CDKL5: variants seen among roughly 807,000 people sequenced by gnomAD.
CDKL5 encodes the protein cyclin dependent kinase like 5.
In CDKL5, 8 loss-of-function variants were observed where a neutral mutation model predicts 61.7. That is an observed-to-expected ratio of 0.13 (90% CI 0.08 to 0.23). The LOEUF (loss-of-function observed/expected upper bound fraction) is 0.23. Ranked by LOEUF, CDKL5 falls within the 10% of genes least tolerant of loss-of-function variation. CDKL5 has a pLI of 1.00. For missense variants in CDKL5, 440 were observed against 734.5 expected, an observed-to-expected ratio of 0.60 and a Z score of 4.63; for synonymous variants, 275 against 272.3, an observed-to-expected ratio of 1.01 and a Z score of -0.10.
At position 18,433,222 on chromosome X, in the gene CDKL5, C is replaced by T. The variant is rs867872892; in HGVS notation, c.-163+7527C>T. ...CAGCCTGGGCAACAGGAGTGAAACC[C>T]TGTCTCAAAAAAAAAAAAGAAAAGA... is the stretch of plus-strand genomic sequence containing the variant. On this transcript the variant is annotated intron_variant, in intron 1 of 17. Transcript: ENST00000623535. Among the ~76,000 whole-genome samples the T allele has an allele frequency of 1.1e-4, 11 of 99,046 alleles. No homozygotes were observed. The East Asian group carries it at 2.9e-3, about 26-fold the overall frequency. The allele number at this position is 99,046 out of a possible 115,157, so 86.0% of individuals were successfully genotyped here. A position where few individuals can be genotyped will look rare whatever the true frequency, so the allele number is the denominator to read the frequency against.
At chrX:18,613,454 A>G (rs1926625787) in intron 15 of CDKL5, among the ~76,000 whole-genome samples, 179 bp downstream of exon 15, 1 of 111,741 alleles carries the variant, frequency 8.9e-6, no homozygotes, top group Non-Finnish European at 1.9e-5. Context: ...CCAGTTTGGC[A>G]TTTAGATTAA....
chrX:18,508,612 T>C (rs1288515821), intron 2 of CDKL5, among the ~76,000 whole-genome samples: 2 of 110,711 alleles, frequency 1.8e-5, no homozygotes, highest in Non-Finnish European at 3.8e-5. Context: ...TTCTGGATCA[T>C]AACTAGTTTT....
chrX:18,550,316 C>T (rs1406477065), intron 3 of CDKL5, among the ~76,000 whole-genome samples: 2 of 111,274 alleles, frequency 1.8e-5, no homozygotes, highest in East Asian at 2.8e-4. Flanking sequence ...TACCTTACTA[C>T]GGTGAAGTTC....
intron 1 of CDKL5, among the ~76,000 whole-genome samples, chrX:18,487,916 G>C (rs186150390): frequency 1.1e-3 from 124 of 110,980 alleles, no homozygotes; most frequent in African/African-American, 4.0e-3. Flanking sequence ...ACTCCGTCTC[G>C]GGGGAAGAAA....
At chrX:18,479,197 C>T (rs1048531219) in intron 1 of CDKL5, among the ~76,000 whole-genome samples, 3 of 110,700 alleles carry the variant, frequency 2.7e-5, no homozygotes, top group Admixed American at 9.7e-5. Context: ...AGCATTTTGA[C>T]TATGATGTTT....
At chrX:18,476,101 A>C (rs1331601573) in intron 1 of CDKL5, among the ~76,000 whole-genome samples, 1 of 111,731 alleles carries the variant, frequency 9.0e-6, no homozygotes, top group African/African-American at 3.3e-5. Context: ...TGCTCATCCA[A>C]ATTTTCTCAT....
rs752870628 is a variant in CDKL5, at chrX:18,647,183, C to G, written c.2797+1093C>G. 10 of 1,208,406 alleles carry G rather than the reference C, an allele frequency of 8.3e-6. No individual in the cohort carries two copies. Among genetic ancestry groups the G allele is most frequent in the Non-Finnish European group, 1.1e-5 (10 of 894,949 alleles). ...GCACATGAAAAAAAATCCCCGGGCC[C>G]TGCTTACCCAAAGCCTTGACTGTTG... is the stretch of plus-strand genomic sequence containing the variant. On this transcript the variant is annotated intron_variant, in intron 20 of 21. Coordinates refer to the CDKL5 transcript ENST00000379989.
intron 6 of CDKL5, 71 bp downstream of exon 6, chrX:18,580,039 TG>T: frequency 1.1e-6 from 1 of 906,498 alleles, no homozygotes; most frequent in Middle Eastern, 2.8e-4. Flanking sequence ...CACATGTTAC[TG>T]TCTTTAAGAA....
At chrX:18,438,226 C>T (rs1463797608) in intron 1 of CDKL5, among the ~76,000 whole-genome samples, 3 of 109,729 alleles carry the variant, frequency 2.7e-5, no homozygotes, top group African/African-American at 6.6e-5. Flanking sequence ...CCCCCACGCC[C>T]GGCTAAGTTT....
chrX:18,614,462 C>G (rs1926657469), intron 15 of CDKL5, among the ~76,000 whole-genome samples: 1 of 111,911 alleles, frequency 8.9e-6, no homozygotes, highest in African/African-American at 3.2e-5. Flanking sequence ...CTATTTGTCT[C>G]TTGGTTTCCT....
chrX:18,514,067 T>A (rs1249792424), intron 3 of CDKL5, among the ~76,000 whole-genome samples: 1 of 111,418 alleles, frequency 9.0e-6, no homozygotes, highest in Non-Finnish European at 1.9e-5. Flanking sequence ...GCATGTTGTA[T>A]ATTTGAACAA....
intron 11 of CDKL5, among the ~76,000 whole-genome samples, chrX:18,601,255 G>A (rs1033296332): frequency 8.9e-6 from 1 of 111,843 alleles, no homozygotes; most frequent in African/African-American, 3.3e-5. Context: ...CCATGGACAC[G>A]GTGCAATGGT....
intron 21 of CDKL5, among the ~76,000 whole-genome samples, chrX:18,652,487 G>A (rs758472165): frequency 8.1e-5 from 9 of 111,613 alleles, no homozygotes; most frequent in South Asian, 3.8e-4. Context: ...TGGCCAACAC[G>A]GTGAAACCCC....
At chrX:18,653,608 A>G (rs945753341) in exon 22 of CDKL5, 1 of 1,135,166 alleles carries the variant, frequency 8.8e-7, no homozygotes, top group African/African-American at 1.8e-5. Flanking sequence ...GAACCAATTA[A>G]CACCAATGAA....
chrX:18,518,458 G>A (rs1334722406), intron 3 of CDKL5, among the ~76,000 whole-genome samples: 18 of 81,821 alleles, frequency 2.2e-4, no homozygotes, highest in African/African-American at 8.8e-4. Context: ...AGGCTGGAGT[G>A]CAGTGGGACA....
At chrX:18,475,928 C>T (rs1921292198) in intron 1 of CDKL5, among the ~76,000 whole-genome samples, 1 of 112,223 alleles carries the variant, frequency 8.9e-6, no homozygotes. Flanking sequence ...ATTTCCAAAA[C>T]AAGTAACATT....
In CDKL5 at chrX:18,631,175, G is replaced by T. The variant is rs1266606359; in HGVS notation, c.*2418G>T. On this transcript the variant is annotated 3_prime_UTR_variant, in exon 18 of 18. Coordinates refer to ENST00000623535, the MANE Select transcript of CDKL5 (RefSeq NM_001323289.2). Reference sequence around the variant, plus strand: ...ATTCATGACGGTTCTTCAAAGAAGGGCTAGAATATTTGCCTTCTACCTAGA... The same window carrying T: ...ATTCATGACGGTTCTTCAAAGAAGGTCTAGAATATTTGCCTTCTACCTAGA... The T allele has an allele frequency of 1.3e-6, 1 of 750,824 alleles. No homozygotes were observed. The highest frequency in any genetic ancestry group is 1.6e-6 in the Non-Finnish European group (1 of 638,309). The allele number at this position is 750,824 out of a possible 1,213,427, so 61.9% of individuals were successfully genotyped here.
chrX:18,596,961 T>A (rs966198375), intron 10 of CDKL5, among the ~76,000 whole-genome samples: 2 of 111,978 alleles, frequency 1.8e-5, no homozygotes, highest in African/African-American at 3.2e-5. Context: ...TTTAAGTAAA[T>A]ATTTTTATTG....
At chrX:18,435,540 A>T (rs1389929274) in intron 1 of CDKL5, among the ~76,000 whole-genome samples, 1 of 110,928 alleles carries the variant, frequency 9.0e-6, no homozygotes, top group African/African-American at 3.3e-5. Flanking sequence ...GGAGTGATAA[A>T]ATGTAAGTAG....
Sources: gnomAD v4.1 joint callset for allele counts (sites outside exome capture counted in the v4.1 genomes callset) on GRCh38, gnomAD v4.1.1 for gene constraint, MANE v1.5 for transcripts, NCBI Gene and HGNC (gene_info 2026-07-23, HGNC 2026-07-21) for gene names.